The following C12orf76 variants were observed in gnomAD, a reference collection of about 807,000 sequenced individuals.
The protein encoded by C12orf76 is chromosome 12 open reading frame 76.
A neutral mutation model predicts 6.8 loss-of-function variants in C12orf76; 6 were observed. That is an observed-to-expected ratio of 0.88 (90% CI 0.48 to 1.73). The LOEUF is 1.73. C12orf76 is among the 40% of genes most tolerant of loss of function. The pLI, the probability that C12orf76 is intolerant of heterozygous loss-of-function variation, is 0.01. For missense variants in C12orf76, 99 were observed against 98.2 expected, an observed-to-expected ratio of 1.01 and a Z score of -0.03; for synonymous variants, 56 against 43.7, an observed-to-expected ratio of 1.28 and a Z score of -1.11.
At chr12:110,062,623 A>ATT (rs35576534) in intron 2 of C12orf76, among the ~76,000 whole-genome samples, 2,780 of 143,632 alleles carry the variant, frequency 0.019, 35 homozygotes, top group Non-Finnish European at 0.031. Context: ...AAAAAAAGAG[A>ATT]TTTTTTTTTT....
chr12:110,048,695 G>A (rs950096329), upstream of C12orf76: 15 of 1,240,656 alleles, frequency 1.2e-5, no homozygotes, highest in Non-Finnish European at 1.5e-5. Context: ...GTTTCCCCCG[G>A]ACCAACTTTC....
chr12:110,065,304 G>A (rs890702852), intron 2 of C12orf76, among the ~76,000 whole-genome samples: 1 of 151,784 alleles, frequency 6.6e-6, no homozygotes, highest in Non-Finnish European at 1.5e-5. Context: ...CCGAGTAGCT[G>A]GGATTACAGG....
chr12:110,047,862 G>T (rs998927768), intron 1 of C12orf76, among the ~76,000 whole-genome samples: 1 of 152,206 alleles, frequency 6.6e-6, no homozygotes, highest in African/African-American at 2.4e-5. Context: ...TGGGGTAAAT[G>T]ATGTGCCTTG....
At chr12:110,065,716 G>A (rs748904557) in intron 2 of C12orf76, 6 of 1,370,748 alleles carry the variant, frequency 4.4e-6, no homozygotes, top group Non-Finnish European at 6.2e-6. Flanking sequence ...CTGCACAGTG[G>A]CCCATGAGAG....
At chr12:110,060,294 G>A (rs1378694249) in intron 2 of C12orf76, among the ~76,000 whole-genome samples, 1 of 152,052 alleles carries the variant, frequency 6.6e-6, no homozygotes, top group Non-Finnish European at 1.5e-5. Context: ...TCATAGCCAA[G>A]TCCCCTGAAA....
intron 2 of C12orf76, among the ~76,000 whole-genome samples, chr12:110,062,734 C>G (rs1205502342): frequency 6.6e-6 from 1 of 151,134 alleles, no homozygotes; most frequent in Non-Finnish European, 1.5e-5. Context: ...ATCCTCCCAC[C>G]TCAGCCTCCC....
At chr12:110,053,122 G>A (rs1045308543), upstream of C12orf76, among the ~76,000 whole-genome samples, 1 of 151,604 alleles carries the variant, frequency 6.6e-6, no homozygotes, top group African/African-American at 2.4e-5. Flanking sequence ...AAGTCAGGAG[G>A]TGGAGGTTGC....
intron 1 of C12orf76, among the ~76,000 whole-genome samples, chr12:110,045,350 G>C (rs1341958849): frequency 6.6e-6 from 1 of 150,734 alleles, no homozygotes; most frequent in Non-Finnish European, 1.5e-5. Flanking sequence ...CCCAGTGAGA[G>C]GCCAAGGCGG....
chr12:110,067,203 T>G (rs1892882711), intron 1 of C12orf76, among the ~76,000 whole-genome samples: 1 of 152,250 alleles, frequency 6.6e-6, no homozygotes, highest in Non-Finnish European at 1.5e-5. Flanking sequence ...GGTGCCATCG[T>G]AAGCGGCTTG....
Position 110,073,326 on chromosome 12 carries a change from T to A in C12orf76, n.213+96A>T, listed in dbSNP as rs865799176. The A allele has an allele frequency of 2.2e-5, 10 of 464,966 alleles. No homozygotes were observed. The Middle Eastern group carries it at 1.3e-3, about 61-fold the overall frequency. The allele number at this position is 464,966 out of a possible 1,614,324, so 28.8% of individuals were successfully genotyped here. A position where few individuals can be genotyped will look rare whatever the true frequency, so the allele number is the denominator to read the frequency against. On this transcript the variant is annotated intron_variant and non_coding_transcript_variant, in intron 1 of 1. Coordinates refer to the C12orf76 transcript ENST00000548936. ...AAAGCACGTCCAAATTTGAAAACCA[T>A]GTGAGATTCAGAATGTGCACCTGAA...
upstream of C12orf76, among the ~76,000 whole-genome samples, chr12:110,051,975 C>T (rs1380105645): frequency 7.1e-6 from 1 of 140,828 alleles, no homozygotes; most frequent in African/African-American, 2.7e-5. Flanking sequence ...GCAGTGCAAG[C>T]TCCGCCTCCT....
At chr12:110,053,297 G>C (rs747819461), upstream of C12orf76, among the ~76,000 whole-genome samples, 1 of 151,604 alleles carries the variant, frequency 6.6e-6, no homozygotes, top group South Asian at 2.1e-4. Flanking sequence ...CCAGAAGTTC[G>C]AGACCAGCCT....
At chr12:110,073,060 G>A (rs1892979585) in intron 1 of C12orf76, among the ~76,000 whole-genome samples, 1 of 152,158 alleles carries the variant, frequency 6.6e-6, no homozygotes, top group South Asian at 2.1e-4. Context: ...CAAGCACGGT[G>A]ACTCAAATGC....
upstream of C12orf76, among the ~76,000 whole-genome samples, chr12:110,071,220 C>A (rs929298316): frequency 6.6e-6 from 1 of 152,136 alleles, no homozygotes; most frequent in African/African-American, 2.4e-5. Flanking sequence ...AACAACTTTG[C>A]ATTTATTAGT....
At chr12:110,043,746 T>G (rs1593242042) in intron 1 of C12orf76, among the ~76,000 whole-genome samples, 1 of 151,878 alleles carries the variant, frequency 6.6e-6, no homozygotes, top group African/African-American at 2.4e-5. Flanking sequence ...TCCCAACTAC[T>G]CAGGAGGCTG....
At chr12:110,068,246 GA>G (rs543625184), upstream of C12orf76, among the ~76,000 whole-genome samples, 24 of 99,172 alleles carry the variant, frequency 2.4e-4, 1 homozygote, top group East Asian at 1.0e-3. Flanking sequence ...AGAAGAAGAA[GA>G]AAGAAGAAGA....
chr12:110,049,244 G>A (rs1892532748), upstream of C12orf76: 1 of 152,216 alleles, frequency 6.6e-6, no homozygotes, highest in Admixed American at 6.5e-5. Flanking sequence ...ACCAAAGACG[G>A]GCAGCCCGGC....
upstream of C12orf76, chr12:110,051,420 T>G (rs955011722): frequency 9.9e-6 from 6 of 605,956 alleles, no homozygotes; most frequent in Non-Finnish European, 1.8e-5. Context: ...GGAAAGCTGC[T>G]GCCCCCAATC....
chr12:110,058,406 G>A (rs1892711783), intron 3 of C12orf76, among the ~76,000 whole-genome samples: 1 of 152,236 alleles, frequency 6.6e-6, no homozygotes, highest in African/African-American at 2.4e-5. Flanking sequence ...CCTCACGCCT[G>A]TAATCCCAGC....
Sources: allele counts gnomAD v4.1 joint callset (sites outside exome capture counted in the v4.1 genomes callset), GRCh38; gene constraint gnomAD v4.1.1; transcripts MANE v1.5; gene names NCBI Gene and HGNC (gene_info 2026-07-23, HGNC 2026-07-21).